The following ANKS1A variants were observed in gnomAD, a reference collection of about 807,000 sequenced individuals.
The protein encoded by ANKS1A is ankyrin repeat and sterile alpha motif domain containing 1A.
In ANKS1A, 55 loss-of-function variants were observed where a neutral mutation model predicts 120.3. That is an observed-to-expected ratio of 0.46 (90% CI 0.37 to 0.57). The LOEUF is 0.57. Ranked by LOEUF, ANKS1A falls within the 20% of genes least tolerant of loss-of-function variation. ANKS1A has a pLI of 0.00. For synonymous variants in ANKS1A, 590 were observed against 604.7 expected (o/e 0.98, Z 0.36); for missense variants, 1,123 against 1,480.3 (o/e 0.76, Z 3.96).
At position 35,056,543 on chromosome 6, in the gene ANKS1A, C is replaced by G. The variant is rs576705472; in HGVS notation, c.2077+2378C>G. On this transcript the variant is annotated intron_variant, in intron 12 of 23. Coordinates refer to ENST00000360359, the MANE Select transcript of ANKS1A (RefSeq NM_015245.3). ...GACCTCCTGATCCACCCTCCTCGGC[C>G]TCCCAAAGTGCTGGGATTACAGGCG... Among the ~76,000 whole-genome samples, 637 of 152,306 alleles carry G rather than the reference C, an allele frequency of 4.2e-3. 6 individuals are homozygous for G. The highest frequency in any genetic ancestry group is 0.027 in the Middle Eastern group (8 of 294).
At chr6:34,936,438 A>G (rs914701722) in intron 1 of ANKS1A, among the ~76,000 whole-genome samples, 5 of 152,124 alleles carry the variant, frequency 3.3e-5, no homozygotes, top group Non-Finnish European at 5.9e-5. Flanking sequence ...AGGTCCTCCA[A>G]CTGTAGATGG....
At chr6:34,920,445 G>A (rs966906083) in intron 1 of ANKS1A, among the ~76,000 whole-genome samples, 4 of 152,048 alleles carry the variant, frequency 2.6e-5, no homozygotes, top group Admixed American at 6.6e-5. Context: ...TCAAACTCCC[G>A]GCTTCAAGAA....
intron 10 of ANKS1A, among the ~76,000 whole-genome samples, chr6:35,005,474 A>G (rs1456997715): frequency 1.3e-5 from 2 of 152,240 alleles, no homozygotes; most frequent in Non-Finnish European, 2.9e-5. Context: ...GAAAGTTTAT[A>G]TTCTTAAATT....
chr6:34,957,043 G>A (rs1411748682), intron 1 of ANKS1A, among the ~76,000 whole-genome samples: 1 of 152,210 alleles, frequency 6.6e-6, no homozygotes, highest in African/African-American at 2.4e-5. Flanking sequence ...GCCTTCACAG[G>A]CTGCAGAGAT....
chr6:35,029,489 C>G (rs979847500), intron 11 of ANKS1A, among the ~76,000 whole-genome samples: 1 of 151,354 alleles, frequency 6.6e-6, no homozygotes, highest in East Asian at 1.9e-4. Flanking sequence ...GCTGGGATTA[C>G]AGGCACCTGC....
chr6:34,947,813 A>G lies in ANKS1A; in HGVS notation c.198-19426A>G, dbSNP rs538935946. Among the ~76,000 whole-genome samples the G allele has an allele frequency of 4.6e-5, 7 of 152,298 alleles. No individual in the cohort carries two copies. In the South Asian group the frequency reaches 1.5e-3, roughly 32 times the overall value. On this transcript the variant is annotated intron_variant, in intron 1 of 23. Transcript: ENST00000360359. The stretch of plus-strand genomic sequence containing the variant: ...TTTTTCTAGGTTCTTAGTCATCTCA[A>G]GTGAGTACTTATTTTTAGAACTACT...
intron 8 of ANKS1A, among the ~76,000 whole-genome samples, chr6:34,988,039 A>G (rs1388579393): frequency 6.6e-6 from 1 of 152,230 alleles, no homozygotes; most frequent in Non-Finnish European, 1.5e-5. Context: ...CATCAGGATC[A>G]TCCTGTGTCT....
Position 35,081,280 on chromosome 6 carries a change from A to T in ANKS1A, c.2709+122A>T. 4.6e-6 allele frequency: 6 copies of T among 1,301,120 alleles called. 1 individual carries two copies. Among genetic ancestry groups the T allele is most frequent in the Non-Finnish European group, 6.2e-6 (6 of 972,858 alleles). 80.6% of individuals were successfully genotyped at this position (1,301,120 alleles called of 1,614,324 possible). A position where few individuals can be genotyped will look rare whatever the true frequency, so the allele number is the denominator to read the frequency against. ...CAGTTGGGCTGGCACCAGAGTCAGGAGGCACTAGCCTGCTCTGCTCGCCCA... is the reference window on the plus strand; with the variant it reads ...CAGTTGGGCTGGCACCAGAGTCAGGTGGCACTAGCCTGCTCTGCTCGCCCA... On this transcript the variant is annotated intron_variant, in intron 17 of 23. Transcript: ENST00000360359.
At position 35,086,135 on chromosome 6, in the gene ANKS1A, T is replaced by C. The variant is rs1777962609; in HGVS notation, c.3303+199T>C. On this transcript the variant is annotated intron_variant, in intron 22 of 23. Transcript: ENST00000360359. This position sits in a 1 kb window ranked among gnomAD's most constrained non-coding sequence, Gnocchi z 5.1. The stretch of plus-strand genomic sequence containing the variant: ...AGCTCCTCTGGCCTGGGCGGGCCTC[T>C]CATGCTCCTGTTTCCCTCCCTCGCT... 1 of 1,175,430 alleles carries C rather than the reference T, an allele frequency of 8.5e-7. No homozygotes were observed. Among genetic ancestry groups the C allele is most frequent in the Admixed American group, 2.3e-5 (1 of 42,758 alleles). The allele number at this position is 1,175,430 out of a possible 1,614,324, so 72.8% of individuals were successfully genotyped here. A position where few individuals can be genotyped will look rare whatever the true frequency, so the allele number is the denominator to read the frequency against.
intron 11 of ANKS1A, among the ~76,000 whole-genome samples, chr6:35,038,645 C>T (rs1775302684): frequency 6.6e-6 from 1 of 152,002 alleles, no homozygotes; most frequent in African/African-American, 2.4e-5. Flanking sequence ...CCATGCGCGG[C>T]TGTTTTTGTT....
intron 1 of ANKS1A, among the ~76,000 whole-genome samples, chr6:34,931,060 G>T (rs1199049574): frequency 1.3e-5 from 2 of 150,862 alleles, no homozygotes; most frequent in Admixed American, 6.6e-5. Context: ...TGTGTTTTTA[G>T]TAGAGACAGG....
Position 34,992,484 on chromosome 6 carries a change from G to A in ANKS1A, c.1303-1818G>A, listed in dbSNP as rs532345713. On this transcript the variant is annotated intron_variant, in intron 9 of 23. Coordinates refer to ENST00000360359, the MANE Select transcript of ANKS1A (RefSeq NM_015245.3). Reference sequence around the variant, plus strand: ...CTACCTCTGAAGGAAGCATGCCGGAGGCTATATGAGAGTTCTTCCTGTGTG... The same window carrying A: ...CTACCTCTGAAGGAAGCATGCCGGAAGCTATATGAGAGTTCTTCCTGTGTG... Among the ~76,000 whole-genome samples, 8 of 152,318 alleles carry A rather than the reference G, an allele frequency of 5.3e-5. No homozygotes were observed. The South Asian group carries it at 1.4e-3, about 28-fold the overall frequency.
At chr6:34,947,271 G>A (rs1769851228) in intron 1 of ANKS1A, among the ~76,000 whole-genome samples, 2 of 149,694 alleles carry the variant, frequency 1.3e-5, no homozygotes, top group Non-Finnish European at 3.0e-5. Flanking sequence ...TCAGCCTTTC[G>A]AGTAGCTTGG....
chr6:35,093,762 G>C (rs1369714523), downstream of ANKS1A, among the ~76,000 whole-genome samples: 2 of 152,116 alleles, frequency 1.3e-5, no homozygotes, highest in East Asian at 3.9e-4. Context: ...CAGGAAAGGG[G>C]CAGCTTAGCA....
intron 11 of ANKS1A, among the ~76,000 whole-genome samples, chr6:35,033,264 A>G (rs1170882299): frequency 6.6e-6 from 1 of 152,204 alleles, no homozygotes. Context: ...AGGTAGCTCC[A>G]TATGTTCCCA....
chr6:35,017,934 G>T lies in ANKS1A; in HGVS notation c.1885G>T (p.Asp629Tyr), dbSNP rs755576014. 6.2e-7 allele frequency: 1 copy of T among 1,614,240 alleles called. No individual in the cohort carries two copies. Among genetic ancestry groups the T allele is most frequent in the South Asian group, 1.1e-5 (1 of 91,086 alleles). Reference sequence around the variant, plus strand: ...CCGCAGCTTGTCCAAGTCTGACTCTGATCTCCTGACCTGCTCACCCACAGA... The same window carrying T: ...CCGCAGCTTGTCCAAGTCTGACTCTTATCTCCTGACCTGCTCACCCACAGA... ...LSRSLSKSDS[D>Y]LLTCSPTEDA... Residue 629 changes from aspartate to tyrosine, a missense_variant, in exon 11 of 24, where the codon GAT (aspartate) becomes TAT (tyrosine). Around this residue, in one of 3 missense-constraint regions of ANKS1A, gnomAD observed 904 missense variants for 1,130.4 expected, o/e 0.80. Transcript: ENST00000360359.
intron 12 of ANKS1A, among the ~76,000 whole-genome samples, chr6:35,055,056 A>C (rs1354757756): frequency 6.6e-6 from 1 of 152,222 alleles, no homozygotes; most frequent in African/African-American, 2.4e-5. Flanking sequence ...TGACACCTCT[A>C]GTTCCTCCAT....
At chr6:34,993,958 GTTTTTTGT>G (rs969020703) in intron 9 of ANKS1A, among the ~76,000 whole-genome samples, 39 of 152,108 alleles carry the variant, frequency 2.6e-4, no homozygotes, top group African/African-American at 9.4e-4. Context: ...AGAAAAGGGA[GTTTTTTGT>G]TTTTTTGTTT....
chr6:35,091,532 C>T (rs867803716), downstream of ANKS1A: 41 of 644,504 alleles, frequency 6.4e-5, no homozygotes, highest in Middle Eastern at 7.6e-4. Flanking sequence ...GCTGAGATGA[C>T]GACAGCTTGG....
Sources: allele counts gnomAD v4.1 joint callset (sites outside exome capture counted in the v4.1 genomes callset), GRCh38; gene constraint gnomAD v4.1.1; regional missense constraint gnomAD v4.1.1; non-coding constraint Gnocchi (gnomAD v3.1); transcripts MANE v1.5; gene names NCBI Gene and HGNC (gene_info 2026-07-23, HGNC 2026-07-21).